The following PLAC1 variants were observed in gnomAD, a reference collection of about 807,000 sequenced individuals.
PLAC1 encodes the protein placenta associated 1.
For synonymous variants in PLAC1, 68 were observed against 62.1 expected, an observed-to-expected ratio of 1.09 and a Z score of -0.44; for missense variants, 136 against 163.2, an observed-to-expected ratio of 0.83 and a Z score of 0.91.
chrX:134,664,353 T>C (rs2078428750), intron 2 of PLAC1, among the ~76,000 whole-genome samples: 1 of 112,239 alleles, frequency 8.9e-6, no homozygotes, highest in South Asian at 3.7e-4. Context: ...CTGGTTTTGA[T>C]TATATTCTGC....
At chrX:134,710,092 A>T (rs1422792687) in intron 2 of PLAC1, among the ~76,000 whole-genome samples, 1 of 111,802 alleles carries the variant, frequency 8.9e-6, no homozygotes. Context: ...ATTGAAAAAG[A>T]AACAGAGTCA....
At chrX:134,637,879 G>C (rs1450745082) in intron 1 of PLAC1, among the ~76,000 whole-genome samples, 1 of 111,427 alleles carries the variant, frequency 9.0e-6, no homozygotes, top group Non-Finnish European at 1.9e-5. Context: ...GATTGTATGT[G>C]AATTTCCTTT....
chrX:134,705,002 A>ATATATATATATATATATATATT lies in PLAC1; in HGVS notation n.174+28432_174+28433insAATATATATATATATATATATA, dbSNP rs1478504606. 2.7e-3 allele frequency among the ~76,000 whole-genome samples: 256 copies of ATATATATATATATATATATATT among 94,734 alleles called. 1 individual carries two copies. Among genetic ancestry groups the ATATATATATATATATATATATT allele is most frequent in the African/African-American group, 0.011 (251 of 22,971 alleles). The allele number at this position is 94,734 out of a possible 115,157, so 82.3% of individuals were successfully genotyped here. On this transcript the variant is annotated intron_variant and non_coding_transcript_variant, in intron 2 of 2. Coordinates refer to the PLAC1 transcript ENST00000466797. ...AGCGAGACTCCAACTCAAAAAAATT[A>ATATATATATATATATATATATT]TATATATATATATATATATACACAC... is the stretch of plus-strand genomic sequence containing the variant.
intron 2 of PLAC1, among the ~76,000 whole-genome samples, chrX:134,689,163 G>A (rs1182818241): frequency 9.0e-6 from 1 of 111,430 alleles, no homozygotes; most frequent in Non-Finnish European, 1.9e-5. Flanking sequence ...ATTCCTAGAA[G>A]AGCCCACTCA....
chrX:134,646,521 A>C (rs1239196157), intron 1 of PLAC1, among the ~76,000 whole-genome samples: 1 of 111,930 alleles, frequency 8.9e-6, no homozygotes, highest in Admixed American at 9.5e-5. Flanking sequence ...GGAAAAGCAC[A>C]CTCTGAGATT....
At chrX:134,623,141 C>T (rs1357398710) in intron 1 of PLAC1, among the ~76,000 whole-genome samples, 2 of 112,389 alleles carry the variant, frequency 1.8e-5, no homozygotes, top group Non-Finnish European at 3.8e-5. Context: ...AGCACACTTT[C>T]CCTCTCGTCA....
chrX:134,717,320 TGCAATCTCG>T (rs753595896), intron 2 of PLAC1, among the ~76,000 whole-genome samples: 23 of 111,619 alleles, frequency 2.1e-4, no homozygotes, highest in Non-Finnish European at 3.4e-4. Flanking sequence ...AGGGCAGTGG[TGCAATCTCG>T]GCTCACTGCA....
chrX:134,583,176 C>A (rs1204233129), intron 2 of PLAC1, among the ~76,000 whole-genome samples: 1 of 111,066 alleles, frequency 9.0e-6, no homozygotes, highest in East Asian at 2.8e-4. Flanking sequence ...TTCATAGCAC[C>A]TTTTAGAAGC....
chrX:134,738,312 G>A (rs887195182), intron 1 of PLAC1, among the ~76,000 whole-genome samples: 2 of 112,194 alleles, frequency 1.8e-5, no homozygotes, highest in East Asian at 2.8e-4. Context: ...CTTTCCCAGC[G>A]CACAGTATTC....
At chrX:134,597,923 G>A (rs755742625) in intron 2 of PLAC1, among the ~76,000 whole-genome samples, 2 of 111,666 alleles carry the variant, frequency 1.8e-5, no homozygotes, top group Non-Finnish European at 3.8e-5. Flanking sequence ...TGGGATATTT[G>A]AGGCAAAAAG....
At chrX:134,741,824 T>C (rs751405931) in intron 1 of PLAC1, among the ~76,000 whole-genome samples, 6 of 110,725 alleles carry the variant, frequency 5.4e-5, no homozygotes, top group Non-Finnish European at 7.6e-5. Flanking sequence ...TTTTCCACTC[T>C]CTCCAATCCC....
At chrX:134,598,354 CAGA>C (rs1236344298) in intron 2 of PLAC1, among the ~76,000 whole-genome samples, 1 of 112,098 alleles carries the variant, frequency 8.9e-6, no homozygotes, top group African/African-American at 3.2e-5. Flanking sequence ...CTTTAACTAA[CAGA>C]TCTTCAGTAT....
intron 2 of PLAC1, among the ~76,000 whole-genome samples, chrX:134,572,745 A>G (rs1047865069): frequency 1.8e-5 from 2 of 111,321 alleles, no homozygotes; most frequent in Non-Finnish European, 3.8e-5. Flanking sequence ...AATTTTTTAT[A>G]TATTTCTAAT....
chrX:134,754,261 T>C (rs1321197011), intron 1 of PLAC1, among the ~76,000 whole-genome samples: 2 of 112,147 alleles, frequency 1.8e-5, no homozygotes, highest in Non-Finnish European at 3.8e-5. Flanking sequence ...CAGCAGAATA[T>C]TGTTTTATTG....
At chrX:134,603,509 T>C (rs1451567059) in intron 1 of PLAC1, among the ~76,000 whole-genome samples, 1 of 100,849 alleles carries the variant, frequency 9.9e-6, no homozygotes, top group Non-Finnish European at 2.0e-5. Context: ...GGGTATTTTG[T>C]ATTTTTAGTA....
At chrX:134,569,883 T>C (rs2077898104) in intron 2 of PLAC1, among the ~76,000 whole-genome samples, 1 of 108,851 alleles carries the variant, frequency 9.2e-6, no homozygotes, top group Non-Finnish European at 1.9e-5. Context: ...TGGAGTGCAG[T>C]GGCACGACCT....
chrX:134,702,365 A>T (rs2078586401), intron 2 of PLAC1, among the ~76,000 whole-genome samples: 1 of 112,371 alleles, frequency 8.9e-6, no homozygotes, highest in Non-Finnish European at 1.9e-5. Context: ...TCAGTGGTGG[A>T]CTGGATAAAG....
intron 1 of PLAC1, among the ~76,000 whole-genome samples, chrX:134,613,636 T>C (rs964327758): frequency 5.4e-5 from 6 of 111,674 alleles, no homozygotes; most frequent in Non-Finnish European, 1.1e-4. Context: ...TCTCATGCTG[T>C]AGAAATATAA....
intron 2 of PLAC1, among the ~76,000 whole-genome samples, chrX:134,673,280 G>A (rs755162018): frequency 6.6e-4 from 67 of 101,528 alleles, no homozygotes; most frequent in African/African-American, 2.2e-3. Context: ...AGGAATGGAG[G>A]AAGGGAAGAA....
Sources: allele counts gnomAD v4.1 joint callset (sites outside exome capture counted in the v4.1 genomes callset), GRCh38; gene constraint gnomAD v4.1.1; transcripts MANE v1.5; gene names NCBI Gene and HGNC (gene_info 2026-07-23, HGNC 2026-07-21).